The following ATP8A2 variants were observed in gnomAD, a reference collection of about 807,000 sequenced individuals.
ATP8A2 encodes phospholipid-transporting ATPase IB.
A neutral mutation model predicts 165.6 loss-of-function variants in ATP8A2; 100 were observed. That is an observed-to-expected ratio of 0.60 (90% CI 0.51 to 0.71). The LOEUF (loss-of-function observed/expected upper bound fraction) is 0.71, where lower values mean the gene tolerates loss of function less well. ATP8A2 is among the 30% of genes least tolerant of loss of function. ATP8A2 has a pLI of 0.00. For missense variants in ATP8A2, 1,227 were observed against 1,479.5 expected, an observed-to-expected ratio of 0.83 and a Z score of 2.80; for synonymous variants, 543 against 548.8, an observed-to-expected ratio of 0.99 and a Z score of 0.15.
intron 1 of ATP8A2, among the ~76,000 whole-genome samples, chr13:25,391,180 A>C (rs937520716): frequency 6.6e-6 from 1 of 152,224 alleles, no homozygotes; most frequent in Admixed American, 6.5e-5. Context: ...GGGAAGAATC[A>C]GTAAATCAGA....
At position 25,481,882 on chromosome 13, in the gene ATP8A2, CCA is replaced by C. The variant is rs544644273; in HGVS notation, c.221+12763_221+12764del. 1.7e-4 allele frequency among the ~76,000 whole-genome samples: 26 copies of C among 152,216 alleles called. No homozygotes were observed. The South Asian group carries it at 5.0e-3, about 29-fold the overall frequency. ...GGGCACTAATCCCATCTTGAGGGTC[CCA>C]CCCTCATGACCTCATCTAATCCTAA... On this transcript the variant is annotated intron_variant, in intron 2 of 36. Transcript: ENST00000381655.
In ATP8A2 at chr13:26,000,568, T is replaced by C. The variant is rs777171554; in HGVS notation, c.3378-11963T>C. 8.3e-4 allele frequency among the ~76,000 whole-genome samples: 127 copies of C among 152,140 alleles called. 3 individuals are homozygous for C. The highest frequency in any genetic ancestry group is 2.1e-4 in the Non-Finnish European group (14 of 68,016). On this transcript the variant is annotated intron_variant, in intron 35 of 36. Transcript: ENST00000381655. ...AAAGAGCCTTTTGTAAGGACTTGTA[T>C]GAGCTTGGGTTTCACCATCATTACT...
chr13:25,386,936 G>T (rs1209583919), intron 1 of ATP8A2, among the ~76,000 whole-genome samples: 2 of 147,566 alleles, frequency 1.4e-5, no homozygotes, highest in South Asian at 2.2e-4. Flanking sequence ...GGCGGAGCTT[G>T]CAGTGAGCCG....
chr13:25,441,770 C>A (rs1362430267), intron 1 of ATP8A2, among the ~76,000 whole-genome samples: 1 of 152,124 alleles, frequency 6.6e-6, no homozygotes, highest in Non-Finnish European at 1.5e-5. Flanking sequence ...ATAGAATTTA[C>A]TATCTCATCA....
intron 24 of ATP8A2, among the ~76,000 whole-genome samples, chr13:25,605,274 T>C (rs879457456): frequency 2.6e-5 from 4 of 152,220 alleles, no homozygotes; most frequent in Non-Finnish European, 5.9e-5. Context: ...TTCCATGATG[T>C]GTCTAAGACA....
At chr13:26,011,952 A>G (rs2139355553) in intron 35 of ATP8A2, among the ~76,000 whole-genome samples, 1 of 152,222 alleles carries the variant, frequency 6.6e-6, no homozygotes, top group African/African-American at 2.4e-5. Flanking sequence ...ATAAAATAGT[A>G]TAGAAATAGC....
intron 1 of ATP8A2, among the ~76,000 whole-genome samples, chr13:25,378,353 AT>A (rs58118663): frequency 0.045 from 6,696 of 147,966 alleles, 413 homozygotes; most frequent in African/African-American, 0.15. Flanking sequence ...AGAGTTTTGC[AT>A]TTTTTTTTTT....
chr13:26,025,138 G>T lies in ATP8A2; in HGVS notation c.*5153G>T, dbSNP rs887330046. ...CAACAAAAAAAAAAAAAAAAAAAAA[G>T]GAAGAAAAGAAAAAAAGGAAACCAG... is the stretch of plus-strand genomic sequence containing the variant. On this transcript the variant is annotated 3_prime_UTR_variant, in exon 37 of 37. Transcript: ENST00000381655. 10 of 133,266 alleles carry T rather than the reference G, an allele frequency of 7.5e-5. No homozygotes were observed. Among genetic ancestry groups the T allele is most frequent in the African/African-American group, 2.8e-4 (10 of 35,186 alleles). 8.3% of individuals were successfully genotyped at this position (133,266 alleles called of 1,614,324 possible).
At position 25,372,437 on chromosome 13, in the gene ATP8A2, G is replaced by A; in HGVS notation, c.76+149G>A. The A allele has an allele frequency of 1.9e-6, 1 of 528,450 alleles. No individual in the cohort carries two copies. The allele number at this position is 528,450 out of a possible 1,614,324, so 32.7% of individuals were successfully genotyped here. ...TCTGGGCTGCAGGATCCGCCGACGC[G>A]GCGCGCTGGCCGCACGGGGGCTGGG... On this transcript the variant is annotated intron_variant, in intron 1 of 36. Transcript: ENST00000381655. The surrounding 1 kb of genome is among the most constrained non-coding windows in gnomAD (Gnocchi z 4.8).
intron 33 of ATP8A2, among the ~76,000 whole-genome samples, chr13:25,917,865 T>C (rs575417966): frequency 1.1e-4 from 17 of 152,344 alleles, no homozygotes; most frequent in Non-Finnish European, 1.9e-4. Context: ...TTATTTTAAA[T>C]TAGTTAATAG....
At chr13:25,524,151 A>G (rs1184524255) in intron 2 of ATP8A2, among the ~76,000 whole-genome samples, 1 of 151,980 alleles carries the variant, frequency 6.6e-6, no homozygotes, top group African/African-American at 2.4e-5. Context: ...TTTAATTTCC[A>G]TGGGTTTGTG....
At chr13:25,558,080 T>C (rs932317086) in intron 13 of ATP8A2, among the ~76,000 whole-genome samples, 3 of 152,178 alleles carry the variant, frequency 2.0e-5, no homozygotes, top group Non-Finnish European at 2.9e-5. Flanking sequence ...ATTTGTTTTG[T>C]ATTTTTAGTT....
intron 27 of ATP8A2, among the ~76,000 whole-genome samples, chr13:25,802,869 C>G (rs1378032757): frequency 1.3e-5 from 2 of 151,760 alleles, no homozygotes; most frequent in Non-Finnish European, 2.9e-5. Context: ...TAAACTGTTA[C>G]ATAAAATGAT....
Position 25,543,338 on chromosome 13 carries a change from T to C in ATP8A2, c.827T>C (p.Leu276Pro). Reference protein sequence around the residue: ...PDQILLRGTQLRNTQWVFGIV... With the variant: ...PDQILLRGTQPRNTQWVFGIV... ...CAGATCTTATTAAGAGGTACACAGC[T>C]TAGAAATACTCAGTGGGTCTTTGGC... The change falls in exon 10 of 37, where the codon CTT becomes CCT. Residue 276 changes from leucine (L) to proline (P), a missense_variant. Leu to Pro is a moderately conservative substitution (Grantham distance 98). Coordinates refer to ENST00000381655, the MANE Select transcript of ATP8A2 (RefSeq NM_016529.6). 1.2e-6 allele frequency: 2 copies of C among 1,613,564 alleles called. No homozygotes were observed. Among genetic ancestry groups the C allele is most frequent in the Non-Finnish European group, 1.7e-6 (2 of 1,179,562 alleles).
intron 25 of ATP8A2, among the ~76,000 whole-genome samples, chr13:25,731,749 G>A (rs921808793): frequency 6.6e-6 from 1 of 152,210 alleles, no homozygotes; most frequent in Non-Finnish European, 1.5e-5. Flanking sequence ...AACACTCGCA[G>A]AAATGAAGCA....
intron 19 of ATP8A2, among the ~76,000 whole-genome samples, chr13:25,576,019 T>G (rs1186219664): frequency 1.3e-5 from 2 of 152,172 alleles, no homozygotes; most frequent in Non-Finnish European, 2.9e-5. Flanking sequence ...TCTATTTCTT[T>G]TTCATGGACT....
chr13:25,640,784 T>G (rs959986030), intron 24 of ATP8A2, among the ~76,000 whole-genome samples: 11 of 152,256 alleles, frequency 7.2e-5, no homozygotes, highest in Non-Finnish European at 8.8e-5. Context: ...TACCAAAGCC[T>G]GGCAGAGACA....
intron 1 of ATP8A2, among the ~76,000 whole-genome samples, chr13:25,466,246 C>G (rs956372980): frequency 6.6e-6 from 1 of 152,106 alleles, no homozygotes; most frequent in Non-Finnish European, 1.5e-5. Context: ...TTTGGACCCT[C>G]AGGGTTGATT....
intron 1 of ATP8A2, among the ~76,000 whole-genome samples, chr13:25,439,446 G>A (rs2034871299): frequency 6.6e-6 from 1 of 152,152 alleles, no homozygotes; most frequent in Non-Finnish European, 1.5e-5. Flanking sequence ...CTGTTATATT[G>A]CCATCATGTT....
Sources: gnomAD v4.1 joint callset for allele counts (sites outside exome capture counted in the v4.1 genomes callset) on GRCh38, gnomAD v4.1.1 for gene constraint, Gnocchi (gnomAD v3.1) non-coding constraint, MANE v1.5 for transcripts, NCBI Gene and HGNC (gene_info 2026-07-23, HGNC 2026-07-21) for gene names.